AXDND1: variants seen among roughly 807,000 people sequenced by gnomAD.
AXDND1 encodes the protein axonemal dynein light chain domain-containing protein 1.
In AXDND1, 110 loss-of-function variants were observed where a neutral mutation model predicts 137.5. The observed-to-expected ratio is 0.80, with a 90% CI of 0.69 to 0.94. AXDND1 has a LOEUF of 0.94. Ranked by LOEUF, AXDND1 falls within the 40% of genes least tolerant of loss-of-function variation. The probability of loss-of-function intolerance (pLI) is 0.00; values close to 1 mark genes in which losing one functional copy is unlikely to be tolerated. For synonymous variants in AXDND1, 414 were observed against 399.7 expected (o/e 1.04, Z -0.43); for missense variants, 1,191 against 1,169.8 (o/e 1.02, Z -0.26).
At chr1:179,426,999 T>TA (rs201932729) in intron 12 of AXDND1, among the ~76,000 whole-genome samples, 1,672 of 151,928 alleles carry the variant, frequency 0.011, 46 homozygotes, top group African/African-American at 0.038. Flanking sequence ...CCGTCTCTAC[T>TA]AAAAAAATTA....
intron 11 of AXDND1, among the ~76,000 whole-genome samples, chr1:179,396,642 C>A (rs1034437606): frequency 1.6e-4 from 24 of 149,270 alleles, no homozygotes; most frequent in African/African-American, 5.9e-4. Flanking sequence ...GGCGACAGAG[C>A]AAGACTCCAT....
chr1:179,384,474 C>A (rs557182911), intron 8 of AXDND1, among the ~76,000 whole-genome samples: 4 of 152,114 alleles, frequency 2.6e-5, no homozygotes, highest in Non-Finnish European at 5.9e-5. Flanking sequence ...TCTGTAATGG[C>A]TTTTAAAAAT....
chr1:179,520,537 A>G (rs1031841749), intron 21 of AXDND1, among the ~76,000 whole-genome samples: 1 of 151,558 alleles, frequency 6.6e-6, no homozygotes, highest in African/African-American at 2.4e-5. Flanking sequence ...CTCAGCCTCC[A>G]GAGTAGCTGG....
At chr1:179,465,081 A>G (rs1477595258) in intron 16 of AXDND1, among the ~76,000 whole-genome samples, 3 of 151,916 alleles carry the variant, frequency 2.0e-5, no homozygotes, top group Middle Eastern at 3.4e-3. Flanking sequence ...TAGCTCAGAG[A>G]AATTTGTTAT....
At chr1:179,461,234 G>A (rs1259075691) in intron 16 of AXDND1, among the ~76,000 whole-genome samples, 1 of 152,154 alleles carries the variant, frequency 6.6e-6, no homozygotes, top group Non-Finnish European at 1.5e-5. Context: ...TGTATAAGGT[G>A]TAAGGAAGGG....
intron 20 of AXDND1, among the ~76,000 whole-genome samples, chr1:179,494,110 C>T (rs1382567853): frequency 6.6e-6 from 1 of 152,004 alleles, no homozygotes; most frequent in Admixed American, 6.6e-5. Flanking sequence ...CACCACTATG[C>T]CGGGCTAATT....
intron 17 of AXDND1, among the ~76,000 whole-genome samples, chr1:179,480,774 A>G (rs537053040): frequency 2.0e-5 from 3 of 151,964 alleles, no homozygotes; most frequent in Non-Finnish European, 4.4e-5. Flanking sequence ...AAGAAGGTGC[A>G]GTTTTTGGGT....
At chr1:179,480,001 G>C (rs775774391) in intron 17 of AXDND1, among the ~76,000 whole-genome samples, 2 of 152,118 alleles carry the variant, frequency 1.3e-5, no homozygotes, top group Non-Finnish European at 2.9e-5. Flanking sequence ...TCAGCATTTT[G>C]GTCAAAGCCA....
intron 16 of AXDND1, among the ~76,000 whole-genome samples, chr1:179,466,014 G>A (rs549168205): frequency 1.5e-4 from 23 of 152,236 alleles, no homozygotes; most frequent in African/African-American, 4.3e-4. Flanking sequence ...TCCAGGTACC[G>A]TCTTTCATGG....
chr1:179,393,607 G>A (rs1650542878), intron 9 of AXDND1, among the ~76,000 whole-genome samples: 1 of 152,032 alleles, frequency 6.6e-6, no homozygotes, highest in South Asian at 2.1e-4. Flanking sequence ...ATGAACATGG[G>A]ATGTGTTTCC....
intron 16 of AXDND1, among the ~76,000 whole-genome samples, chr1:179,463,878 C>G (rs1161193704): frequency 1.3e-5 from 2 of 152,102 alleles, no homozygotes. Flanking sequence ...ATGTAATGGC[C>G]TTCTTTGTCT....
intron 11 of AXDND1, among the ~76,000 whole-genome samples, chr1:179,399,597 G>C (rs1342428243): frequency 6.6e-6 from 1 of 152,210 alleles, no homozygotes; most frequent in Non-Finnish European, 1.5e-5. Context: ...AAACTAAAGA[G>C]TGTTTGCACA....
chr1:179,545,423 A>G (rs1672553583), intron 25 of AXDND1: 1 of 152,180 alleles, frequency 6.6e-6, no homozygotes, highest in Admixed American at 6.6e-5. Flanking sequence ...TATATACCTA[A>G]GACTACTAGA....
At chr1:179,497,995 A>G (rs530716364) in intron 20 of AXDND1, among the ~76,000 whole-genome samples, 1 of 152,198 alleles carries the variant, frequency 6.6e-6, no homozygotes, top group Non-Finnish European at 1.5e-5. Context: ...AACACTGCTG[A>G]AAGAAATCAG....
Position 179,428,208 on chromosome 1 carries a change from A to G in AXDND1, c.1231-1310A>G, listed in dbSNP as rs113795696. On this transcript the variant is annotated intron_variant, in intron 12 of 25. Transcript: ENST00000367618. ...AATCATGACAGTAAATACATGATGT[A>G]AGAAACAGATTTGAGCTAGACATGT... is the stretch of plus-strand genomic sequence containing the variant. Among the ~76,000 whole-genome samples, 516 of 152,340 alleles carry G rather than the reference A, an allele frequency of 3.4e-3. 2 individuals carry two copies. The highest frequency in any genetic ancestry group is 0.012 in the African/African-American group (484 of 41,588).
At chr1:179,403,713 T>A (rs932000132) in intron 11 of AXDND1, among the ~76,000 whole-genome samples, 1 of 151,982 alleles carries the variant, frequency 6.6e-6, no homozygotes, top group Admixed American at 6.6e-5. Context: ...AGCTGGGATT[T>A]CAGGCATGTG....
intron 12 of AXDND1, among the ~76,000 whole-genome samples, chr1:179,416,150 T>C (rs1294526729): frequency 6.6e-6 from 1 of 152,210 alleles, no homozygotes; most frequent in Non-Finnish European, 1.5e-5. Flanking sequence ...CTTCATGTGA[T>C]CCACTCTTTT....
chr1:179,368,998 T>C (rs1456430893), intron 3 of AXDND1, 26 bp downstream of exon 3: 11 of 1,543,926 alleles, frequency 7.1e-6, no homozygotes, highest in Non-Finnish European at 9.7e-6. Context: ...TGTAGAGTAA[T>C]GGGGAACATT....
At chr1:179,491,046 T>C (rs1389482205) in intron 18 of AXDND1, among the ~76,000 whole-genome samples, 1 of 152,190 alleles carries the variant, frequency 6.6e-6, no homozygotes, top group Non-Finnish European at 1.5e-5. Context: ...GATCAGTGGC[T>C]GGGCGTGTGG....
Sources: allele counts gnomAD v4.1 joint callset (sites outside exome capture counted in the v4.1 genomes callset), GRCh38; gene constraint gnomAD v4.1.1; transcripts MANE v1.5; gene names NCBI Gene and HGNC (gene_info 2026-07-23, HGNC 2026-07-21).